Variants in GRIP1 observed in about 807,000 individuals in gnomAD.
The protein encoded by GRIP1 is glutamate receptor-interacting protein 1.
Under a neutral mutation model 129.9 loss-of-function variants are expected in GRIP1, and 45 were observed. The ratio of observed to expected loss-of-function variants is 0.35; its 90% CI spans 0.27 to 0.44. The LOEUF (loss-of-function observed/expected upper bound fraction) is 0.44. Ranked by LOEUF, GRIP1 falls within the 20% of genes least tolerant of loss-of-function variation. The pLI is 1.00. For synonymous variants in GRIP1, 530 were observed against 520.8 expected, an observed-to-expected ratio of 1.02 and a Z score of -0.24; for missense variants, 1,196 against 1,396.8, an observed-to-expected ratio of 0.86 and a Z score of 2.29.
intron 1 of GRIP1, among the ~76,000 whole-genome samples, chr12:66,760,583 C>T (rs1239238536): frequency 1.3e-5 from 2 of 152,126 alleles, no homozygotes; most frequent in Non-Finnish European, 2.9e-5. Context: ...AAGAAAATAC[C>T]AGCCCCCATG....
At chr12:66,645,668 A>G (rs1436486642) in intron 1 of GRIP1, among the ~76,000 whole-genome samples, 1 of 152,236 alleles carries the variant, frequency 6.6e-6, no homozygotes, top group Non-Finnish European at 1.5e-5. Flanking sequence ...GTAAAATTAT[A>G]TAAGAATCTT....
At chr12:66,996,888 T>C (rs1032581065) in intron 1 of GRIP1, among the ~76,000 whole-genome samples, 2 of 152,154 alleles carry the variant, frequency 1.3e-5, no homozygotes, top group Non-Finnish European at 2.9e-5. Flanking sequence ...CAGAAAGATC[T>C]GCCAGAGGCT....
At chr12:66,377,494 ATTTTTTT>A (rs372760716) in intron 20 of GRIP1, among the ~76,000 whole-genome samples, 1 of 134,336 alleles carries the variant, frequency 7.4e-6, no homozygotes, top group Admixed American at 7.5e-5. Context: ...CGCCTGGCTA[ATTTTTTT>A]TTTTTTTTTT....
intron 7 of GRIP1, among the ~76,000 whole-genome samples, chr12:66,480,755 CCA>C (rs1156317197): frequency 6.6e-6 from 1 of 152,116 alleles, no homozygotes; most frequent in Admixed American, 6.5e-5. Context: ...AGAAATAATA[CCA>C]CACATCTACA....
At chr12:66,466,569 C>CT (rs747439807) in intron 7 of GRIP1, among the ~76,000 whole-genome samples, 18 of 144,644 alleles carry the variant, frequency 1.2e-4, no homozygotes, top group Non-Finnish European at 2.6e-4. Context: ...TAAAACTTTC[C>CT]TTTTTTTGTA....
intron 1 of GRIP1, among the ~76,000 whole-genome samples, chr12:66,905,208 C>G (rs576466768): frequency 1.3e-5 from 2 of 152,316 alleles, no homozygotes; most frequent in South Asian, 2.1e-4. Context: ...ATTGCCCCAT[C>G]CAGTTACCCA....
rs542607941 is a variant in GRIP1, at chr12:66,500,672, T to C, written c.724+14947A>G. Among the ~76,000 whole-genome samples, 9 of 152,308 alleles carry C rather than the reference T, an allele frequency of 5.9e-5. No homozygotes were observed. The East Asian group carries it at 1.7e-3, about 29-fold the overall frequency. On this transcript the variant is annotated intron_variant, in intron 7 of 24. Transcript: ENST00000359742. ...GTAGGAGAGGTGATCTGTGTAATAG[T>C]CAATCATTCAATGTTCCATGTGAAT...
chr12:66,417,059 A>G (rs2057633551), intron 15 of GRIP1, among the ~76,000 whole-genome samples: 1 of 152,120 alleles, frequency 6.6e-6, no homozygotes, highest in African/African-American at 2.4e-5. Flanking sequence ...TAGCAAAGTG[A>G]AGTCAAAAAT....
intron 23 of GRIP1, among the ~76,000 whole-genome samples, chr12:66,369,271 A>G (rs1417065241): frequency 2.0e-5 from 3 of 151,846 alleles, no homozygotes; most frequent in Non-Finnish European, 4.4e-5. Context: ...AGATGTTCCA[A>G]CCAGTCCATC....
intron 1 of GRIP1, among the ~76,000 whole-genome samples, chr12:66,931,805 T>C (rs2041400695): frequency 6.6e-6 from 1 of 152,182 alleles, no homozygotes; most frequent in South Asian, 2.1e-4. Context: ...AAAAATGTCT[T>C]TCTTAACTCT....
chr12:66,349,433 T>C (rs1469765122), intron 24 of GRIP1, among the ~76,000 whole-genome samples, 187 bp from the exon 25 acceptor site: 3 of 152,160 alleles, frequency 2.0e-5, no homozygotes, highest in African/African-American at 4.8e-5. Flanking sequence ...TGCTAGTAAA[T>C]TGTAAGACTC....
chr12:66,637,538 A>C (rs994268460), intron 1 of GRIP1, among the ~76,000 whole-genome samples: 6 of 151,314 alleles, frequency 4.0e-5, no homozygotes, highest in African/African-American at 1.5e-4. Flanking sequence ...AATTTTTGTT[A>C]ATAATTTTAT....
intron 1 of GRIP1, among the ~76,000 whole-genome samples, chr12:66,818,413 G>C (rs138840325): frequency 3.3e-4 from 50 of 152,256 alleles, no homozygotes; most frequent in Middle Eastern, 3.4e-3. Flanking sequence ...TATCCTTGAA[G>C]TAACAAATGA....
intron 1 of GRIP1, among the ~76,000 whole-genome samples, chr12:67,033,428 C>T (rs1027329829): frequency 3.3e-5 from 5 of 152,032 alleles, no homozygotes; most frequent in Non-Finnish European, 7.4e-5. Flanking sequence ...TAATATACAT[C>T]TATATACCTA....
intron 1 of GRIP1, among the ~76,000 whole-genome samples, chr12:66,706,292 T>A (rs1396768698): frequency 6.6e-6 from 1 of 151,848 alleles, no homozygotes; most frequent in African/African-American, 2.4e-5. Flanking sequence ...CCAAGAAACA[T>A]AAAAATGCTC....
intron 1 of GRIP1, among the ~76,000 whole-genome samples, chr12:66,900,633 GC>G (rs2040829638): frequency 6.6e-6 from 1 of 152,182 alleles, no homozygotes; most frequent in South Asian, 2.1e-4. Context: ...GCCTAAGGTG[GC>G]TATAGTGCTT....
At chr12:66,449,136 T>C (rs2058707471) in intron 11 of GRIP1, among the ~76,000 whole-genome samples, 1 of 152,198 alleles carries the variant, frequency 6.6e-6, no homozygotes, top group Non-Finnish European at 1.5e-5. Flanking sequence ...TAATACATGG[T>C]CCCGTTTCAG....
chr12:66,677,991 T>A (rs919837464), intron 1 of GRIP1, among the ~76,000 whole-genome samples: 1 of 152,020 alleles, frequency 6.6e-6, no homozygotes, highest in Non-Finnish European at 1.5e-5. Context: ...AGAATGAAGT[T>A]TTTTTTTAAA....
At chr12:66,626,326 T>A (rs1363094431) in intron 1 of GRIP1, among the ~76,000 whole-genome samples, 2 of 138,254 alleles carry the variant, frequency 1.4e-5, no homozygotes, top group Non-Finnish European at 3.1e-5. Flanking sequence ...GGAGACAGAG[T>A]AAGACCCCAT....
Sources: allele counts gnomAD v4.1 joint callset (sites outside exome capture counted in the v4.1 genomes callset), GRCh38; gene constraint gnomAD v4.1.1; transcripts MANE v1.5; gene names NCBI Gene and HGNC (gene_info 2026-07-23, HGNC 2026-07-21).